NALCN: variants seen among roughly 807,000 people sequenced by gnomAD.
NALCN encodes sodium leak channel NALCN.
A neutral mutation model predicts 225.3 loss-of-function variants in NALCN; 111 were observed. The ratio of observed to expected loss-of-function variants is 0.49; its 90% confidence interval spans 0.42 to 0.58. The LOEUF is 0.58. Among genes scored for constraint, NALCN ranks in the 20% least tolerant of loss-of-function variants. NALCN has a pLI of 0.00. For synonymous variants in NALCN, 764 were observed against 769.0 expected, an observed-to-expected ratio of 0.99 and a Z score of 0.11; for missense variants, 1,378 against 2,202.4, an observed-to-expected ratio of 0.63 and a Z score of 7.49.
At position 101,103,915 on chromosome 13, in the gene NALCN, C is replaced by T. The variant is rs1594210228; in HGVS notation, c.2889+380G>A. On this transcript the variant is annotated intron_variant, in intron 25 of 43. Coordinates refer to ENST00000251127, the MANE Select transcript of NALCN (RefSeq NM_052867.4). ...AATCACAATCACTTTAGTTTGCTTT[C>T]AGCAATAAGGGGCTCATAATCAATA... 2.0e-5 allele frequency among the ~76,000 whole-genome samples: 3 copies of T among 152,050 alleles called. No homozygotes were observed. In the East Asian group the frequency reaches 5.8e-4, roughly 29 times the overall value.
intron 39 of NALCN, 48 bp downstream of exon 39, chr13:101,067,870 G>T: frequency 1.6e-6 from 2 of 1,273,240 alleles, no homozygotes; most frequent in Non-Finnish European, 2.3e-6. Context: ...GAGACATGTT[G>T]ATAAGTCTCT....
At chr13:101,117,815 C>G (rs2035787755) in intron 18 of NALCN, among the ~76,000 whole-genome samples, 1 of 152,156 alleles carries the variant, frequency 6.6e-6, no homozygotes, top group South Asian at 2.1e-4. Flanking sequence ...AGGAATAAAG[C>G]TGCCATCAAC....
chr13:101,084,545 A>G (rs1195325693), intron 30 of NALCN, among the ~76,000 whole-genome samples: 2 of 152,092 alleles, frequency 1.3e-5, no homozygotes, highest in East Asian at 3.9e-4. Flanking sequence ...ATGAATCAAT[A>G]CGTAAGAATT....
At chr13:101,199,693 A>C (rs2040037569) in intron 13 of NALCN, among the ~76,000 whole-genome samples, 2 of 151,186 alleles carry the variant, frequency 1.3e-5, no homozygotes. Flanking sequence ...AGATATAGCT[A>C]ATGTAAATGA....
rs35977237 is a variant in NALCN at position 101,231,997 on chromosome 13, C to CTT, written c.1435-2415_1435-2414dup. On this transcript the variant is annotated intron_variant, in intron 12 of 43. Transcript: ENST00000251127. ...GCCTTTAATAAGAAATGTTCTATTTCTTTTTTTTTTTTTTTTAATCCCCAA... is the reference window on the plus strand; with the variant it reads ...GCCTTTAATAAGAAATGTTCTATTTCTTTTTTTTTTTTTTTTTTAATCCCCAA... 2.7e-3 allele frequency among the ~76,000 whole-genome samples: 372 copies of CTT among 139,492 alleles called. 3 individuals carry two copies. The highest frequency in any genetic ancestry group is 8.8e-3 in the African/African-American group (335 of 37,942). 91.5% of individuals were successfully genotyped at this position (139,492 alleles called of 152,430 possible).
chr13:101,178,302 CT>C (rs1266149771), intron 14 of NALCN, among the ~76,000 whole-genome samples: 2 of 152,126 alleles, frequency 1.3e-5, no homozygotes, highest in African/African-American at 4.8e-5. Context: ...GTTCTGTGTC[CT>C]AATTTAATCA....
intron 15 of NALCN, among the ~76,000 whole-genome samples, chr13:101,163,658 C>T: frequency 6.6e-6 from 1 of 152,072 alleles, no homozygotes; most frequent in African/African-American, 2.4e-5. Context: ...TCCATTGTTC[C>T]CTGCTGCCCC....
chr13:101,126,461 C>T (rs1457243761), intron 17 of NALCN, among the ~76,000 whole-genome samples: 20 of 151,586 alleles, frequency 1.3e-4, no homozygotes, highest in Non-Finnish European at 7.4e-5. Context: ...AACTTTCCTA[C>T]TTCTCCCCTC....
At chr13:101,126,084 G>A (rs2036214975) in intron 17 of NALCN, among the ~76,000 whole-genome samples, 1 of 152,190 alleles carries the variant, frequency 6.6e-6, no homozygotes, top group Non-Finnish European at 1.5e-5. Context: ...ATGAACAAAT[G>A]CTATAATGTC....
chr13:101,258,257 G>A, intron 11 of NALCN, among the ~76,000 whole-genome samples, 186 bp downstream of exon 11: 1 of 152,128 alleles, frequency 6.6e-6, no homozygotes, highest in Non-Finnish European at 1.5e-5. Context: ...ACTCAGGCCC[G>A]CGGTGACAGG....
chr13:101,165,221 C>T (rs1288956161), intron 15 of NALCN, among the ~76,000 whole-genome samples: 1 of 152,194 alleles, frequency 6.6e-6, no homozygotes, highest in African/African-American at 2.4e-5. Flanking sequence ...AATCAGCCAG[C>T]AACCAGGTGG....
At chr13:101,265,751 G>C (rs1383808211) in intron 10 of NALCN, among the ~76,000 whole-genome samples, 2 of 152,106 alleles carry the variant, frequency 1.3e-5, no homozygotes, top group Non-Finnish European at 2.9e-5. Context: ...AGTCTAAGTA[G>C]ATTTCTAGGC....
intron 27 of NALCN, 29 bp downstream of exon 27, chr13:101,100,755 A>G: frequency 6.4e-7 from 1 of 1,569,324 alleles, no homozygotes; most frequent in Non-Finnish European, 8.7e-7. Context: ...CTTAATTTTT[A>G]TTTCAAAAGA....
chr13:101,075,403 C>T lies in NALCN; in HGVS notation c.3954+470G>A, dbSNP rs112563765. Among the ~76,000 whole-genome samples, 543 of 142,658 alleles carry T rather than the reference C, an allele frequency of 3.8e-3. 5 individuals carry two copies. Among genetic ancestry groups the T allele is most frequent in the African/African-American group, 0.013 (511 of 38,124 alleles). 93.6% of individuals were successfully genotyped at this position (142,658 alleles called of 152,430 possible). ...CTGGGAGGTGGAGAAAACAGTGAGC[C>T]GAGATCCTGCCACTGCACTCCAGCC... On this transcript the variant is annotated intron_variant, in intron 35 of 43. Coordinates refer to ENST00000251127, the MANE Select transcript of NALCN (RefSeq NM_052867.4).
intron 14 of NALCN, among the ~76,000 whole-genome samples, chr13:101,188,567 C>T (rs566446863): frequency 1.3e-5 from 2 of 151,478 alleles, no homozygotes; most frequent in Non-Finnish European, 2.9e-5. Context: ...CATATATATA[C>T]ACACACATAT....
At chr13:101,058,116 A>G in intron 42 of NALCN, 60 bp from the exon 43 acceptor site, 3 of 1,430,336 alleles carry the variant, frequency 2.1e-6, no homozygotes, top group Non-Finnish European at 2.9e-6. Flanking sequence ...TCCTCCTTTT[A>G]CTATAAGAAA....
intron 31 of NALCN, 58 bp downstream of exon 31, chr13:101,083,652 TC>T (rs1283752648): frequency 6.6e-7 from 1 of 1,515,026 alleles, no homozygotes. Context: ...AATCTGAGAC[TC>T]CTGGGGAATC....
In NALCN at chr13:101,142,960, C is replaced by A. The variant is rs775181818; in HGVS notation, c.2118+120G>T. Reference sequence around the variant, plus strand: ...TCATGATATCTTTTACAAATGAAATCATTTTATTTTCATTATTCTCTTGAG... The same window carrying A: ...TCATGATATCTTTTACAAATGAAATAATTTTATTTTCATTATTCTCTTGAG... On this transcript the variant is annotated intron_variant, in intron 17 of 43. Transcript: ENST00000251127. The A allele has an allele frequency of 1.1e-5, 14 of 1,307,520 alleles. No homozygotes were observed. The South Asian group carries it at 1.6e-4, about 15-fold the overall frequency. The allele number at this position is 1,307,520 out of a possible 1,614,324, so 81.0% of individuals were successfully genotyped here.
Position 101,144,834 on chromosome 13 carries a change from A to T in NALCN, c.1902T>A (p.Phe634Leu). Residue 634 changes from phenylalanine to leucine, a missense_variant, in exon 16 of 44, where the codon TTT (phenylalanine) becomes TTA (leucine). Transcript: ENST00000251127. ...KEKLPLRLRI[F>L]EKFPNRPQMV... ...TTTGAGGTCTGTTTGGAAATTTTTCAAAGATTCGCAGGCGTAAAGGGAGCT... is the reference window on the plus strand; with the variant it reads ...TTTGAGGTCTGTTTGGAAATTTTTCTAAGATTCGCAGGCGTAAAGGGAGCT... 6.2e-7 allele frequency: 1 copy of T among 1,613,806 alleles called. No individual in the cohort carries two copies. The highest frequency in any genetic ancestry group is 1.1e-5 in the South Asian group (1 of 91,014).
Sources: allele counts gnomAD v4.1 joint callset (sites outside exome capture counted in the v4.1 genomes callset), GRCh38; gene constraint gnomAD v4.1.1; transcripts MANE v1.5; gene names NCBI Gene and HGNC (gene_info 2026-07-23, HGNC 2026-07-21).